The following BCR variants were observed in gnomAD, a reference collection of about 807,000 sequenced individuals.
The protein encoded by BCR is BCR activator of RhoGEF and GTPase.
In BCR, 58 loss-of-function variants were observed where a neutral mutation model predicts 138.6. The ratio of observed to expected loss-of-function variants is 0.42; its 90% CI spans 0.34 to 0.52. The LOEUF (loss-of-function observed/expected upper bound fraction) is 0.52. BCR is among the 20% of genes least tolerant of loss of function. BCR has a pLI of 0.06. For missense variants in BCR, 1,599 were observed against 1,727.2 expected (o/e 0.93, Z 1.32); for synonymous variants, 786 against 730.1 (o/e 1.08, Z -1.23).
intron 5 of BCR, among the ~76,000 whole-genome samples, chr22:23,270,159 T>A (rs929765917): frequency 1.3e-5 from 2 of 151,708 alleles, no homozygotes; most frequent in Non-Finnish European, 1.5e-5. Context: ...TGTTGGGGGG[T>A]CAGTGCTCAG....
intron 19 of BCR, chr22:23,312,587 G>C (rs2074020069): frequency 2.3e-6 from 1 of 440,008 alleles, no homozygotes; most frequent in South Asian, 2.4e-5. Flanking sequence ...TGGTTGCTAT[G>C]TACAGGGCAG....
At chr22:23,252,648 C>T (rs1007106868) in intron 1 of BCR, among the ~76,000 whole-genome samples, 2 of 151,706 alleles carry the variant, frequency 1.3e-5, no homozygotes, top group Non-Finnish European at 2.9e-5. Flanking sequence ...CCAGGCTGGT[C>T]TCGAACTCCT....
In BCR at chr22:23,310,318, C is replaced by T. The variant is rs1036268676; in HGVS notation, c.3073-6C>T. 2.8e-5 allele frequency: 37 copies of T among 1,303,716 alleles called. 6 individuals are homozygous for T. The highest frequency in any genetic ancestry group is 3.9e-5 in the Non-Finnish European group (36 of 927,474). The allele number at this position is 1,303,716 out of a possible 1,614,324, so 80.8% of individuals were successfully genotyped here. On this transcript the variant is annotated splice_region_variant and splice_polypyrimidine_tract_variant and intron_variant, in intron 17 of 22. Transcript: ENST00000305877. ...TAGAGGACTGTGCCCCTTCTCCCTA[C>T]TGTAGATCGAAGTAAAGCTCTCGGT...
chr22:23,278,868 C>G (rs1176341362), intron 8 of BCR, among the ~76,000 whole-genome samples: 1 of 152,196 alleles, frequency 6.6e-6, no homozygotes, highest in Non-Finnish European at 1.5e-5. Context: ...CACTGGACAC[C>G]AAACAGAAGC....
chr22:23,282,056 C>T (rs191130644), intron 8 of BCR, among the ~76,000 whole-genome samples: 1,657 of 152,328 alleles, frequency 0.011, 75 homozygotes, highest in Admixed American at 0.088. Flanking sequence ...TGCCATCCAG[C>T]CCCGCCACTG....
chr22:23,266,777 G>A lies in BCR; in HGVS notation c.1753-1631G>A, dbSNP rs563559655. On this transcript the variant is annotated intron_variant, in intron 4 of 22. Transcript: ENST00000305877. ...TTCTGCGTAACAGCACCACAGCAGC[G>A]AGGCTGTGTGCTTCTCAGTGCATCA... 5.9e-5 allele frequency among the ~76,000 whole-genome samples: 9 copies of A among 152,350 alleles called. No homozygotes were observed. The South Asian group carries it at 1.4e-3, about 25-fold the overall frequency.
chr22:23,262,237 A>G (rs967190253), intron 4 of BCR, among the ~76,000 whole-genome samples: 2 of 152,212 alleles, frequency 1.3e-5, no homozygotes, highest in African/African-American at 4.8e-5. Context: ...CTAAGTGTGA[A>G]GAGCATGTGA....
At chr22:23,306,762 T>C (rs2073957196) in intron 16 of BCR, 1 of 152,258 alleles carries the variant, frequency 6.6e-6, no homozygotes, top group Non-Finnish European at 1.5e-5. Context: ...CCCACCAGCT[T>C]CCCAGAGCAG....
intron 1 of BCR, among the ~76,000 whole-genome samples, chr22:23,213,652 G>A (rs537777793): frequency 4.6e-5 from 7 of 152,142 alleles, no homozygotes; most frequent in Non-Finnish European, 7.4e-5. Flanking sequence ...GTGAGAGCTC[G>A]TCTCTCCAAA....
In BCR at chr22:23,286,504, C is replaced by G. The variant is rs534685436; in HGVS notation, c.2407-655C>G. Among the ~76,000 whole-genome samples the G allele has an allele frequency of 2.1e-3, 327 of 152,308 alleles. 1 individual carries two copies. The highest frequency in any genetic ancestry group is 7.5e-3 in the African/African-American group (313 of 41,570). ...CTGTGACCTCCAGGGTAGGGTGTCC[C>G]CACACAGAGTGGGAGCCAGTGCTCA... On this transcript the variant is annotated intron_variant, in intron 10 of 22. Transcript: ENST00000305877.
intron 1 of BCR, among the ~76,000 whole-genome samples, chr22:23,236,074 C>T (rs1258722850): frequency 5.9e-5 from 9 of 152,242 alleles, no homozygotes; most frequent in Non-Finnish European, 1.3e-4. Context: ...GGAGCTGACT[C>T]TCTTGGGGCT....
intron 4 of BCR, chr22:23,264,377 G>C (rs1294664392): frequency 1.1e-6 from 1 of 872,502 alleles, no homozygotes; most frequent in East Asian, 2.4e-5. Flanking sequence ...GGCCACCCCT[G>C]CCTGTGGGCC....
At chr22:23,313,114 A>T (rs1260876501) in intron 20 of BCR, 93 bp downstream of exon 20, 1 of 1,451,682 alleles carries the variant, frequency 6.9e-7, no homozygotes, top group Non-Finnish European at 9.3e-7. Context: ...TGGGAACCCA[A>T]GCTGTGCCCC....
chr22:23,278,870 A>G (rs1415784446), intron 8 of BCR, among the ~76,000 whole-genome samples: 1 of 152,210 alleles, frequency 6.6e-6, no homozygotes, highest in Non-Finnish European at 1.5e-5. Flanking sequence ...CTGGACACCA[A>G]ACAGAAGCTG....
chr22:23,280,027 T>C (rs75658950), intron 8 of BCR, among the ~76,000 whole-genome samples: 4,392 of 152,262 alleles, frequency 0.029, 92 homozygotes, highest in African/African-American at 0.039. Flanking sequence ...TTCCTTCTTA[T>C]GAGGACACTC....
chr22:23,189,109 C>G (rs921605107), intron 1 of BCR, among the ~76,000 whole-genome samples: 1 of 152,214 alleles, frequency 6.6e-6, no homozygotes, highest in South Asian at 2.1e-4. Flanking sequence ...ATCTGCCCCC[C>G]TCAGCCTCCC....
At chr22:23,288,924 C>A (rs554124573) in intron 12 of BCR, among the ~76,000 whole-genome samples, 10 of 152,332 alleles carry the variant, frequency 6.6e-5, no homozygotes, top group African/African-American at 1.9e-4. Context: ...CCCGCGCCCT[C>A]AGGCTCATCA....
At chr22:23,286,755 A>AG (rs1206217781) in intron 10 of BCR, among the ~76,000 whole-genome samples, 1 of 152,158 alleles carries the variant, frequency 6.6e-6, no homozygotes, top group African/African-American at 2.4e-5. Flanking sequence ...AAACATGCCC[A>AG]GGGGCCCGAT....
intron 1 of BCR, among the ~76,000 whole-genome samples, chr22:23,244,679 G>A (rs1415662728): frequency 6.6e-6 from 1 of 152,218 alleles, no homozygotes; most frequent in Admixed American, 6.5e-5. Flanking sequence ...TGTCCTGCAC[G>A]TATTAGATAC....
Sources: allele counts gnomAD v4.1 joint callset (sites outside exome capture counted in the v4.1 genomes callset), GRCh38; gene constraint gnomAD v4.1.1; transcripts MANE v1.5; gene names NCBI Gene and HGNC (gene_info 2026-07-23, HGNC 2026-07-21).